OR8G5: variants seen among roughly 807,000 people sequenced by gnomAD.
OR8G5 encodes olfactory receptor family 8 subfamily G member 5.
For synonymous variants in OR8G5, 147 were observed against 147.7 expected, an observed-to-expected ratio of 1.00 and a Z score of 0.03; for missense variants, 347 against 371.9, an observed-to-expected ratio of 0.93 and a Z score of 0.55.
Position 124,265,890 on chromosome 11 carries a change from T to G in OR8G5, c.*23T>G. ...TGAACAGAAGTACAATGAAAAAGAT[T>G]GCATTAGATCTAAGTTTTTGGCTAT... On this transcript the variant is annotated 3_prime_UTR_variant, in exon 2 of 2. Coordinates refer to ENST00000641992, the MANE Select transcript of OR8G5 (RefSeq NM_001005198.2). 6.4e-7 allele frequency: 1 copy of G among 1,573,846 alleles called. No homozygotes were observed. The highest frequency in any genetic ancestry group is 8.6e-7 in the Non-Finnish European group (1 of 1,159,692).
intron 1 of OR8G5, among the ~76,000 whole-genome samples, chr11:124,256,980 GAAAAC>G (rs1457216322): frequency 1.3e-5 from 2 of 152,144 alleles, no homozygotes; most frequent in Non-Finnish European, 2.9e-5. Context: ...AGATATGAAA[GAAAAC>G]AAATGTTTGC....
intron 1 of OR8G5, among the ~76,000 whole-genome samples, chr11:124,260,779 T>C (rs767688707): frequency 2.6e-5 from 4 of 151,930 alleles, no homozygotes; most frequent in Non-Finnish European, 5.9e-5. Context: ...CAAATCAGGG[T>C]ATTTAGGATA....
chr11:124,259,838 A>G (rs1193452734), intron 1 of OR8G5, among the ~76,000 whole-genome samples: 1 of 152,124 alleles, frequency 6.6e-6, no homozygotes, highest in Admixed American at 6.6e-5. Flanking sequence ...ACCTGCCTGT[A>G]TAAATTGAAG....
At chr11:124,259,233 G>T (rs1474273488) in intron 1 of OR8G5, among the ~76,000 whole-genome samples, 1 of 152,048 alleles carries the variant, frequency 6.6e-6, no homozygotes, top group Non-Finnish European at 1.5e-5. Context: ...ACTAAATCTG[G>T]TAGAGTGGTA....
intron 1 of OR8G5, 151 bp from the exon 2 acceptor site, chr11:124,264,767 A>G: frequency 1.1e-6 from 1 of 912,368 alleles, no homozygotes; most frequent in Non-Finnish European, 1.6e-6. Context: ...ACTAGAAAAT[A>G]AAGATTACTA....
In OR8G5 at chr11:124,266,221, C is replaced by G. The variant is rs1862029623; in HGVS notation, c.*354C>G. 1 of 210,218 alleles carries G rather than the reference C, an allele frequency of 4.8e-6. No individual in the cohort carries two copies. Among genetic ancestry groups the G allele is most frequent in the African/African-American group, 2.3e-5 (1 of 42,752 alleles). 13.0% of individuals were successfully genotyped at this position (210,218 alleles called of 1,614,324 possible). A position where few individuals can be genotyped will look rare whatever the true frequency, so the allele number is the denominator to read the frequency against. On this transcript the variant is annotated 3_prime_UTR_variant, in exon 2 of 2. Transcript: ENST00000641992. ...AACACTATCTTCTGGTGATAAAATA[C>G]TATCATGCGGTGATGACTAGCAATC...
In OR8G5 at chr11:124,265,117, C is replaced by T. The variant is rs1213996294; in HGVS notation, c.186C>T (p.Phe62=). 1 of 1,614,024 alleles carries T rather than the reference C, an allele frequency of 6.2e-7. No homozygotes were observed. Among genetic ancestry groups the T allele is most frequent in the African/African-American group, 1.3e-5 (1 of 74,916 alleles). The change falls in exon 2 of 2, where the codon TTC becomes TTT. Residue 62 remains phenylalanine (F), a synonymous_variant. Transcript: ENST00000641992. ...SSHLHTPMYC[F]LSSLSFIDFC... is the part of the protein sequence containing the mutation. ...ACCTGCACACACCTATGTACTGTTTCCTCAGCAGTCTGTCCTTCATTGACT... is the reference window on the plus strand; with the variant it reads ...ACCTGCACACACCTATGTACTGTTTTCTCAGCAGTCTGTCCTTCATTGACT...
chr11:124,265,934 G>A lies in OR8G5; in HGVS notation c.*67G>A. On this transcript the variant is annotated 3_prime_UTR_variant, in exon 2 of 2. Coordinates refer to ENST00000641992, the MANE Select transcript of OR8G5 (RefSeq NM_001005198.2). ...TGGCTATGATATTGTATGAAATGAT[G>A]TCTTTCACTTTAGTGCATCTGTCAA... 6.8e-7 allele frequency: 1 copy of A among 1,477,002 alleles called. No individual in the cohort carries two copies. Among genetic ancestry groups the A allele is most frequent in the Non-Finnish European group, 9.0e-7 (1 of 1,111,392 alleles). The allele number at this position is 1,477,002 out of a possible 1,614,324, so 91.5% of individuals were successfully genotyped here. A position where few individuals can be genotyped will look rare whatever the true frequency, so the allele number is the denominator to read the frequency against.
intron 1 of OR8G5, among the ~76,000 whole-genome samples, chr11:124,262,455 T>C (rs953167210): frequency 4.0e-5 from 6 of 150,966 alleles, no homozygotes; most frequent in African/African-American, 1.5e-4. Flanking sequence ...ATATATGATA[T>C]CTATTAAATA....
chr11:124,258,514 C>T (rs1209097987), intron 1 of OR8G5, among the ~76,000 whole-genome samples: 3 of 152,000 alleles, frequency 2.0e-5, no homozygotes, highest in Non-Finnish European at 2.9e-5. Context: ...GCCGAGACCA[C>T]ACCACTGCAC....
rs972672614 is a variant in OR8G5, at chr11:124,266,007, C to T, written c.*140C>T. 1.7e-5 allele frequency: 18 copies of T among 1,054,882 alleles called. No individual in the cohort carries two copies. The African/African-American group carries it at 2.6e-4, about 15-fold the overall frequency. The allele number at this position is 1,054,882 out of a possible 1,614,324, so 65.3% of individuals were successfully genotyped here. A position where few individuals can be genotyped will look rare whatever the true frequency, so the allele number is the denominator to read the frequency against. The stretch of plus-strand genomic sequence containing the variant: ...TTTTACTGACGTTATGTCTTATGCA[C>T]ATGGTCTATTTCATGCCATTTCCCT... On this transcript the variant is annotated 3_prime_UTR_variant, in exon 2 of 2. Coordinates refer to ENST00000641992, the MANE Select transcript of OR8G5 (RefSeq NM_001005198.2).
chr11:124,258,614 A>C (rs969807756), intron 1 of OR8G5, among the ~76,000 whole-genome samples: 2 of 152,064 alleles, frequency 1.3e-5, no homozygotes, highest in African/African-American at 4.8e-5. Flanking sequence ...ATAATTAAAC[A>C]TAAAGTTCAA....
intron 1 of OR8G5, among the ~76,000 whole-genome samples, chr11:124,259,700 T>A (rs1861948672): frequency 6.6e-6 from 1 of 152,122 alleles, no homozygotes; most frequent in Non-Finnish European, 1.5e-5. Flanking sequence ...TGATGATCAA[T>A]CATATTGGGA....
At chr11:124,262,748 T>C (rs1233433370) in intron 1 of OR8G5, among the ~76,000 whole-genome samples, 1 of 152,128 alleles carries the variant, frequency 6.6e-6, no homozygotes, top group East Asian at 1.9e-4. Flanking sequence ...TGAGGTTGTT[T>C]CTAACTTATG....
intron 1 of OR8G5, among the ~76,000 whole-genome samples, chr11:124,264,075 G>C (rs1465626814): frequency 6.6e-6 from 1 of 151,386 alleles, no homozygotes; most frequent in African/African-American, 2.4e-5. Context: ...ACGCTTAATA[G>C]ACATTAACAA....
intron 1 of OR8G5, among the ~76,000 whole-genome samples, chr11:124,260,703 T>TA (rs1370760974): frequency 6.6e-6 from 1 of 151,868 alleles, no homozygotes; most frequent in Admixed American, 6.6e-5. Context: ...AATTAGTTGA[T>TA]ACATAATTGT....
chr11:124,265,527 T>C lies in OR8G5; in HGVS notation c.596T>C (p.Ile199Thr). Residue 199 changes from isoleucine (I) to threonine (T), a missense_variant, in exon 2 of 2, where the codon ATT (isoleucine) becomes ACT (threonine). By Grantham distance (89) the Ile-to-Thr change is moderately conservative. Coordinates refer to ENST00000641992, the MANE Select transcript of OR8G5 (RefSeq NM_001005198.2). ...CSSTYINELL[I>T]LIFSGINILV... ...AGTACTTACATTAATGAGTTACTGA[T>C]TTTAATCTTTAGTGGAATTAACATC... 1 of 1,613,944 alleles carries C rather than the reference T, an allele frequency of 6.2e-7. No homozygotes were observed. The highest frequency in any genetic ancestry group is 1.1e-5 in the South Asian group (1 of 91,080).
chr11:124,265,569 C>G lies in OR8G5; in HGVS notation c.638C>G (p.Thr213Ser), dbSNP rs773370353. ...ATTAACATCCTTGTCCCCAGCCTGA[C>G]CATCCTCAGCTCTTACATCTTCATC... is the stretch of plus-strand genomic sequence containing the variant. ...SGINILVPSL[T>S]ILSSYIFIIA... Residue 213 changes from threonine to serine, a missense_variant, in exon 2 of 2, where the codon ACC (threonine) becomes AGC (serine). Transcript: ENST00000641992. The G allele has an allele frequency of 8.1e-6, 13 of 1,613,792 alleles. No individual in the cohort carries two copies. Among genetic ancestry groups the G allele is most frequent in the African/African-American group, 1.3e-5 (1 of 74,926 alleles).
chr11:124,258,614 A>G (rs969807756), intron 1 of OR8G5, among the ~76,000 whole-genome samples: 2 of 152,064 alleles, frequency 1.3e-5, no homozygotes, highest in Non-Finnish European at 2.9e-5. Flanking sequence ...ATAATTAAAC[A>G]TAAAGTTCAA....
Sources: gnomAD v4.1 joint callset for allele counts (sites outside exome capture counted in the v4.1 genomes callset) on GRCh38, gnomAD v4.1.1 for gene constraint, MANE v1.5 for transcripts, NCBI Gene and HGNC (gene_info 2026-07-23, HGNC 2026-07-21) for gene names.